PLXDC1: variants seen among roughly 807,000 people sequenced by gnomAD.
The protein encoded by PLXDC1 is plexin domain containing 1.
PLXDC1 carries 39 observed loss-of-function variants against 61.3 expected under a neutral mutation model. The ratio of observed to expected loss-of-function variants is 0.64; its 90% CI spans 0.49 to 0.83. The LOEUF (loss-of-function observed/expected upper bound fraction) is 0.83. Ranked by LOEUF, PLXDC1 falls within the 40% of genes least tolerant of loss-of-function variation. PLXDC1 has a pLI of 0.00. For synonymous variants in PLXDC1, 212 were observed against 254.5 expected, an observed-to-expected ratio of 0.83 and a Z score of 1.59; for missense variants, 596 against 666.5, an observed-to-expected ratio of 0.89 and a Z score of 1.17.
intron 7 of PLXDC1, among the ~76,000 whole-genome samples, chr17:39,099,470 A>G (rs1910343413): frequency 6.6e-6 from 1 of 152,108 alleles, no homozygotes; most frequent in Admixed American, 6.5e-5. Context: ...CATGGGATGC[A>G]GGATAGGGAA....
At chr17:39,128,485 G>C (rs1161035583) in intron 2 of PLXDC1, among the ~76,000 whole-genome samples, 1 of 151,440 alleles carries the variant, frequency 6.6e-6, no homozygotes, top group Admixed American at 6.6e-5. Context: ...CTCCCAAAGT[G>C]CTGGGATTAC....
intron 7 of PLXDC1, chr17:39,097,016 G>A (rs1910233411): frequency 2.1e-6 from 1 of 471,208 alleles, no homozygotes; most frequent in Middle Eastern, 3.2e-4. Flanking sequence ...AAGAACTCTT[G>A]TGGTTTTCAG....
At chr17:39,113,123 C>T (rs1910865385) in intron 2 of PLXDC1, 1 of 152,164 alleles carries the variant, frequency 6.6e-6, no homozygotes, top group Admixed American at 6.6e-5. Flanking sequence ...AGAGGAGACA[C>T]AGGGAGGATC....
intron 8 of PLXDC1, among the ~76,000 whole-genome samples, chr17:39,085,761 A>G (rs1259767767): frequency 1.3e-5 from 2 of 152,188 alleles, no homozygotes; most frequent in Admixed American, 6.5e-5. Flanking sequence ...CCAAATGGTA[A>G]GGGAGAAGCC....
chr17:39,107,746 C>A, intron 5 of PLXDC1: 1 of 597,068 alleles, frequency 1.7e-6, no homozygotes, highest in Admixed American at 2.9e-5. Flanking sequence ...AGATACTGTA[C>A]TTGATCATCT....
chr17:39,068,852 C>G (rs1310390913), intron 13 of PLXDC1, among the ~76,000 whole-genome samples: 1 of 152,112 alleles, frequency 6.6e-6, no homozygotes, highest in Non-Finnish European at 1.5e-5. Flanking sequence ...GGCTGGTGGG[C>G]TTGTGACCCA....
intron 9 of PLXDC1, among the ~76,000 whole-genome samples, chr17:39,082,104 T>G (rs1909584246): frequency 6.6e-6 from 1 of 152,162 alleles, no homozygotes; most frequent in African/African-American, 2.4e-5. Flanking sequence ...GGAGACCTGA[T>G]GGGCACACCC....
At chr17:39,112,393 A>T (rs1910835986) in intron 2 of PLXDC1, among the ~76,000 whole-genome samples, 1 of 152,136 alleles carries the variant, frequency 6.6e-6, no homozygotes, top group Non-Finnish European at 1.5e-5. Context: ...CAGTTAGCCT[A>T]AAATTTTGCC....
intron 2 of PLXDC1, among the ~76,000 whole-genome samples, chr17:39,128,340 C>T (rs1242253360): frequency 6.6e-6 from 1 of 151,306 alleles, no homozygotes; most frequent in African/African-American, 2.4e-5. Context: ...GCCTCAGCCT[C>T]CTGAGTAACT....
chr17:39,150,147 G>T (rs1053236395), intron 1 of PLXDC1, among the ~76,000 whole-genome samples: 1 of 152,060 alleles, frequency 6.6e-6, no homozygotes, highest in African/African-American at 2.4e-5. Flanking sequence ...GCCACCCTCT[G>T]TGTGGTCTCC....
chr17:39,095,374 CCCCCCAACCCCCCAA>C lies in PLXDC1; in HGVS notation c.812-7687_812-7673del, dbSNP rs1468375074. On this transcript the variant is annotated intron_variant, in intron 7 of 13. Coordinates refer to ENST00000315392, the MANE Select transcript of PLXDC1 (RefSeq NM_020405.5). ...AAAGAATCCTTACGCCCCGCCCCCCCCCCCCAACCCCCCAAGCCTGGGTTATTTGTTTTGGATTGT... is the reference window on the plus strand; with the variant it reads ...AAAGAATCCTTACGCCCCGCCCCCCCGCCTGGGTTATTTGTTTTGGATTGT... Among the ~76,000 whole-genome samples the C allele has an allele frequency of 7.1e-4, 9 of 12,594 alleles. 3 individuals are homozygous for C. Among genetic ancestry groups the C allele is most frequent in the Non-Finnish European group, 2.2e-4 (1 of 4,476 alleles). 8.3% of individuals were successfully genotyped at this position (12,594 alleles called of 152,430 possible).
intron 7 of PLXDC1, among the ~76,000 whole-genome samples, chr17:39,105,525 G>T (rs1808009405): frequency 6.6e-6 from 1 of 152,104 alleles, no homozygotes; most frequent in Non-Finnish European, 1.5e-5. Flanking sequence ...AGGCCACAAT[G>T]GTTGTATTCT....
intron 9 of PLXDC1, among the ~76,000 whole-genome samples, chr17:39,082,525 A>G (rs112007432): frequency 0.15 from 22,446 of 149,900 alleles, 2,069 homozygotes; most frequent in Middle Eastern, 0.22. Context: ...AGATCACACC[A>G]TTGTACTCCA....
chr17:39,113,984 C>A (rs1910891147), intron 2 of PLXDC1, among the ~76,000 whole-genome samples: 1 of 152,164 alleles, frequency 6.6e-6, no homozygotes, highest in African/African-American at 2.4e-5. Flanking sequence ...TCTAGTGGAA[C>A]CTTCTGAAAG....
chr17:39,138,386 C>G (rs548817052), intron 2 of PLXDC1, among the ~76,000 whole-genome samples: 1 of 152,342 alleles, frequency 6.6e-6, no homozygotes, highest in African/African-American at 2.4e-5. Context: ...ATGACCCTGC[C>G]TGGATTAGAA....
chr17:39,134,085 A>G (rs190592851), intron 2 of PLXDC1, among the ~76,000 whole-genome samples: 260 of 151,984 alleles, frequency 1.7e-3, no homozygotes, highest in Non-Finnish European at 2.5e-3. Context: ...GTGAAACCCC[A>G]TCTCTACTAA....
intron 8 of PLXDC1, among the ~76,000 whole-genome samples, chr17:39,084,089 C>T (rs569736557): frequency 6.0e-4 from 91 of 152,252 alleles, no homozygotes; most frequent in African/African-American, 2.0e-3. Context: ...AGGTCTATGA[C>T]GGCAAATCAC....
intron 2 of PLXDC1, among the ~76,000 whole-genome samples, chr17:39,122,926 G>A (rs974370380): frequency 2.0e-5 from 3 of 152,286 alleles, no homozygotes; most frequent in Non-Finnish European, 4.4e-5. Flanking sequence ...GCCACATTGG[G>A]AGAAGGACAG....
intron 2 of PLXDC1, among the ~76,000 whole-genome samples, chr17:39,121,941 A>G (rs1911171787): frequency 6.6e-6 from 1 of 151,798 alleles, no homozygotes; most frequent in Non-Finnish European, 1.5e-5. Context: ...TACTAAAAAT[A>G]CAAAAATTAT....
Sources: allele counts gnomAD v4.1 joint callset (sites outside exome capture counted in the v4.1 genomes callset), GRCh38; gene constraint gnomAD v4.1.1; transcripts MANE v1.5; gene names NCBI Gene and HGNC (gene_info 2026-07-23, HGNC 2026-07-21).